BBS4: variants seen among roughly 807,000 people sequenced by gnomAD.
BBS4 encodes BBSome complex member BBS4.
Under a neutral mutation model 71.4 loss-of-function variants are expected in BBS4, and 58 were observed. The observed-to-expected ratio is 0.81, with a 90% CI of 0.66 to 1.01. The LOEUF (loss-of-function observed/expected upper bound fraction) is 1.01. BBS4 is among the 50% of genes least tolerant of loss of function. The pLI is 0.00. For synonymous variants in BBS4, 228 were observed against 216.8 expected (o/e 1.05, Z -0.46); for missense variants, 660 against 607.9 (o/e 1.09, Z -0.90).
At chr15:72,705,915 A>T (rs2151011384) in intron 2 of BBS4, among the ~76,000 whole-genome samples, 1 of 152,098 alleles carries the variant, frequency 6.6e-6, no homozygotes, top group East Asian at 1.9e-4. Context: ...GATTTTAATA[A>T]CAGCTAAGAC....
Position 72,738,413 on chromosome 15 carries a change from G to A in BBS4, c.*826G>A. 1 of 390,608 alleles carries A rather than the reference G, an allele frequency of 2.6e-6. No individual in the cohort carries two copies. The allele number at this position is 390,608 out of a possible 1,614,324, so 24.2% of individuals were successfully genotyped here. On this transcript the variant is annotated 3_prime_UTR_variant, in exon 16 of 16. Transcript: ENST00000268057. ...AAAGATTACATATCATCATTCCTTT[G>A]GGGAAAATTGTTATTCAGGTATAAA...
chr15:72,703,517 C>T (rs1411764288), intron 2 of BBS4, among the ~76,000 whole-genome samples: 1 of 152,056 alleles, frequency 6.6e-6, no homozygotes, highest in Non-Finnish European at 1.5e-5. Context: ...TGTTATAATT[C>T]CTGTTTGGCA....
intron 6 of BBS4, among the ~76,000 whole-genome samples, chr15:72,718,869 T>G (rs2151027506): frequency 6.6e-6 from 1 of 152,146 alleles, no homozygotes; most frequent in Middle Eastern, 3.4e-3. Flanking sequence ...TATGATAAGT[T>G]TTAGGTTCTG....
At chr15:72,729,210 C>T (rs1352077710) in intron 9 of BBS4, among the ~76,000 whole-genome samples, 2 of 123,482 alleles carry the variant, frequency 1.6e-5, no homozygotes, top group Non-Finnish European at 3.2e-5. Context: ...CTCAAAAAAG[C>T]CAGAGCATTT....
chr15:72,710,937 C>T (rs541957608), intron 3 of BBS4, among the ~76,000 whole-genome samples: 2 of 150,580 alleles, frequency 1.3e-5, no homozygotes, highest in Non-Finnish European at 3.0e-5. Flanking sequence ...ATTACAGGTG[C>T]CCGCCACCAT....
In BBS4 at chr15:72,698,081, A is replaced by G. The variant is rs1033850019; in HGVS notation, c.76+2853A>G. 11 of 455,204 alleles carry G rather than the reference A, an allele frequency of 2.4e-5. No homozygotes were observed. The Admixed American group carries it at 2.6e-4, about 11-fold the overall frequency. The allele number at this position is 455,204 out of a possible 1,614,324, so 28.2% of individuals were successfully genotyped here. A position where few individuals can be genotyped will look rare whatever the true frequency, so the allele number is the denominator to read the frequency against. On this transcript the variant is annotated intron_variant, in intron 2 of 15. Transcript: ENST00000268057. Reference sequence around the variant, plus strand: ...TGCTTGAGTCTATTTTCTTCCTTAAAGGAGTCTTCATTGAAAACTTTACCC... The same window carrying G: ...TGCTTGAGTCTATTTTCTTCCTTAAGGGAGTCTTCATTGAAAACTTTACCC...
At chr15:72,713,529 C>CT (rs955205953) in intron 4 of BBS4, among the ~76,000 whole-genome samples, 5 of 151,926 alleles carry the variant, frequency 3.3e-5, no homozygotes, top group African/African-American at 4.8e-5. Context: ...GGCAGTTATT[C>CT]TTTTTTTTAG....
intron 2 of BBS4, 33 bp from the exon 3 acceptor site, chr15:72,709,667 G>A (rs1175961718): frequency 2.7e-6 from 4 of 1,477,056 alleles, no homozygotes; most frequent in African/African-American, 2.8e-5. Flanking sequence ...TCTAATGACT[G>A]TGTTGTTTGT....
intron 10 of BBS4, among the ~76,000 whole-genome samples, chr15:72,730,849 C>T (rs1290152165): frequency 6.6e-6 from 1 of 152,124 alleles, no homozygotes; most frequent in Non-Finnish European, 1.5e-5. Flanking sequence ...AAGCCTAAAG[C>T]TGACTCGCCC....
chr15:72,698,648 G>A (rs1043091736), intron 2 of BBS4, among the ~76,000 whole-genome samples: 3 of 152,040 alleles, frequency 2.0e-5, no homozygotes, highest in Non-Finnish European at 4.4e-5. Flanking sequence ...CATTTGGGTT[G>A]TTTTCCTTAG....
intron 7 of BBS4, among the ~76,000 whole-genome samples, chr15:72,723,749 A>C (rs190659172): frequency 6.6e-6 from 1 of 152,334 alleles, no homozygotes; most frequent in Admixed American, 6.5e-5. Flanking sequence ...GGTTTTGTAG[A>C]TGGATCTATA....
chr15:72,722,479 G>T (rs1335868217), intron 6 of BBS4, among the ~76,000 whole-genome samples: 1 of 152,224 alleles, frequency 6.6e-6, no homozygotes, highest in Non-Finnish European at 1.5e-5. Context: ...GGAGCAAAGG[G>T]TATGGGTGAT....
rs74024323 is a variant in BBS4, at chr15:72,709,354, T to C, written c.77-346T>C. Among the ~76,000 whole-genome samples the C allele has an allele frequency of 8.4e-3, 1,273 of 152,312 alleles. 13 individuals are homozygous for C. The highest frequency in any genetic ancestry group is 0.029 in the African/African-American group (1,203 of 41,560). On this transcript the variant is annotated intron_variant, in intron 2 of 15. Transcript: ENST00000268057. ...TTTCCTTAGTGACATTCCTGCAATC[T>C]CCTTTAGAAAGTCTTTCTGTTCACC...
At chr15:72,736,593 A>T (rs1274815762) in intron 14 of BBS4, among the ~76,000 whole-genome samples, 169 bp from the exon 15 acceptor site, 1 of 152,164 alleles carries the variant, frequency 6.6e-6, no homozygotes, top group African/African-American at 2.4e-5. Flanking sequence ...CATGCCATCC[A>T]GTAAAGGCAA....
Position 72,731,778 on chromosome 15 carries a change from A to C in BBS4, c.1036+52A>C, listed in dbSNP as rs769852844. The C allele has an allele frequency of 2.5e-6, 4 of 1,601,392 alleles. No individual in the cohort carries two copies. The East Asian group carries it at 8.9e-5, about 36-fold the overall frequency. On this transcript the variant is annotated intron_variant, in intron 12 of 15. Transcript: ENST00000268057. ...TCTCTGCCATCTGTAATGAGGGAAA[A>C]ATGGATTAGAATCATAGAAGATCAG...
At chr15:72,687,134 T>TTTTTTTTTTTTTTTTA (rs60080079) in intron 1 of BBS4, among the ~76,000 whole-genome samples, 3 of 140,478 alleles carry the variant, frequency 2.1e-5, no homozygotes, top group Non-Finnish European at 3.1e-5. Context: ...CTTTTTTTTT[T>TTTTTTTTTTTTTTTTA]GAGACGGAGT....
intron 2 of BBS4, among the ~76,000 whole-genome samples, chr15:72,702,869 G>A (rs1315370793): frequency 2.2e-5 from 3 of 138,160 alleles, no homozygotes; most frequent in East Asian, 2.3e-4. Flanking sequence ...GTGCAGTGGC[G>A]GGATCTCGGC....
intron 12 of BBS4, among the ~76,000 whole-genome samples, chr15:72,733,920 G>A (rs2065874437): frequency 6.6e-6 from 1 of 152,138 alleles, no homozygotes; most frequent in Non-Finnish European, 1.5e-5. Context: ...TTTCTCTGCA[G>A]CCTCACCAGG....
chr15:72,727,159 C>T (rs1238995667), intron 8 of BBS4, among the ~76,000 whole-genome samples: 1 of 152,198 alleles, frequency 6.6e-6, no homozygotes, highest in Non-Finnish European at 1.5e-5. Context: ...TTTGCATCTT[C>T]TGGTTCAGGT....
Sources: allele counts gnomAD v4.1 joint callset (sites outside exome capture counted in the v4.1 genomes callset), GRCh38; gene constraint gnomAD v4.1.1; transcripts MANE v1.5; gene names NCBI Gene and HGNC (gene_info 2026-07-23, HGNC 2026-07-21).